Variants in UCMA observed in about 807,000 individuals in gnomAD.
UCMA encodes upper zone of growth plate and cartilage matrix associated.
Under a neutral mutation model 21.8 loss-of-function variants are expected in UCMA, and 21 were observed. The ratio of observed to expected loss-of-function variants is 0.97; its 90% CI spans 0.68 to 1.39. The LOEUF is 1.39. Ranked by LOEUF, UCMA falls within the 40% of genes most tolerant of loss-of-function variation. The pLI is 0.00. For missense variants in UCMA, 193 were observed against 178.9 expected, an observed-to-expected ratio of 1.08 and a Z score of -0.45; for synonymous variants, 76 against 67.9, an observed-to-expected ratio of 1.12 and a Z score of -0.58.
chr10:13,227,765 CA>C (rs1834843090), intron 4 of UCMA, among the ~76,000 whole-genome samples: 1 of 149,282 alleles, frequency 6.7e-6, no homozygotes, highest in African/African-American at 2.5e-5. Flanking sequence ...CACACACACA[CA>C]CACACACACA....
intron 3 of UCMA, among the ~76,000 whole-genome samples, chr10:13,233,139 C>T (rs976865016): frequency 8.5e-5 from 13 of 152,144 alleles, no homozygotes; most frequent in African/African-American, 2.9e-4. Flanking sequence ...TGTGCTGGAC[C>T]AGTACCCGCA....
chr10:13,231,225 G>A (rs546828768), intron 3 of UCMA, among the ~76,000 whole-genome samples: 1 of 152,210 alleles, frequency 6.6e-6, no homozygotes, highest in East Asian at 1.9e-4. Flanking sequence ...CGTCTGGAAT[G>A]TTTCTTCCCA....
At chr10:13,229,479 C>T (rs1184376041) in intron 4 of UCMA, 132 bp downstream of exon 4, 2 of 743,846 alleles carry the variant, frequency 2.7e-6, no homozygotes, top group Non-Finnish European at 4.3e-6. Context: ...GCATTCCAGC[C>T]TGGGCAACAG....
At chr10:13,222,629 C>T (rs571984894) in intron 4 of UCMA, among the ~76,000 whole-genome samples, 2 of 152,134 alleles carry the variant, frequency 1.3e-5, no homozygotes, top group South Asian at 2.1e-4. Context: ...AAATCATTGT[C>T]GACTTGGAGT....
chr10:13,232,691 T>C (rs181761573), intron 3 of UCMA, among the ~76,000 whole-genome samples: 1 of 152,182 alleles, frequency 6.6e-6, no homozygotes, highest in South Asian at 2.1e-4. Context: ...GCAAGTCACC[T>C]TGCTGAGTGC....
chr10:13,222,322 T>C (rs1416355337), intron 4 of UCMA, 122 bp from the exon 5 acceptor site: 7 of 844,876 alleles, frequency 8.3e-6, no homozygotes, highest in African/African-American at 5.0e-5. Flanking sequence ...TTGTGAGCCC[T>C]GGTGAGAGAA....
intron 1 of UCMA, 134 bp downstream of exon 1, chr10:13,234,067 G>A (rs1834937519): frequency 1.3e-6 from 1 of 755,184 alleles, no homozygotes; most frequent in East Asian, 2.9e-5. Flanking sequence ...ACATGCACAC[G>A]ACACACACAT....
intron 4 of UCMA, among the ~76,000 whole-genome samples, chr10:13,222,463 C>A (rs1834770511): frequency 1.3e-5 from 2 of 152,262 alleles, no homozygotes; most frequent in South Asian, 4.1e-4. Context: ...CCTGCCCAGC[C>A]AGTGTAGGAG....
chr10:13,225,691 G>A lies in UCMA; in HGVS notation c.320-3491C>T, dbSNP rs113763549. ...TCCATCTCAAAAAAAAAAAAAAAAA[G>A]AATAGGTGACTTGGTTAGATAGGAC... On this transcript the variant is annotated intron_variant, in intron 4 of 4. Transcript: ENST00000378681. 6.2e-3 allele frequency among the ~76,000 whole-genome samples: 628 copies of A among 100,998 alleles called. 5 individuals are homozygous for A. The highest frequency in any genetic ancestry group is 0.02 in the African/African-American group (590 of 28,916). The allele number at this position is 100,998 out of a possible 152,430, so 66.3% of individuals were successfully genotyped here.
chr10:13,221,882 C>T lies in UCMA; in HGVS notation c.*221G>A, dbSNP rs1015836190. On this transcript the variant is annotated 3_prime_UTR_variant, in exon 5 of 5. Coordinates refer to ENST00000378681, the MANE Select transcript of UCMA (RefSeq NM_145314.3). The stretch of plus-strand genomic sequence containing the variant: ...GTAGGTTTGGTACTAGGAGGCCCTG[C>T]AGGCAGTTGCTCACCTCAGAAGATG... 2 of 564,920 alleles carry T rather than the reference C, an allele frequency of 3.5e-6. No individual in the cohort carries two copies. The highest frequency in any genetic ancestry group is 6.4e-5 in the Admixed American group (2 of 31,286). 35.0% of individuals were successfully genotyped at this position (564,920 alleles called of 1,614,324 possible).
intron 3 of UCMA, 99 bp downstream of exon 3, chr10:13,233,439 C>A: frequency 2.1e-6 from 2 of 962,580 alleles, no homozygotes; most frequent in Non-Finnish European, 3.3e-6. Context: ...TCGTGCCCAG[C>A]TGCATCCTGC....
intron 3 of UCMA, among the ~76,000 whole-genome samples, chr10:13,233,274 C>G (rs1458217887): frequency 6.6e-6 from 1 of 152,246 alleles, no homozygotes. Flanking sequence ...GGCCAAGAAG[C>G]AGGACAAGAG....
intron 3 of UCMA, among the ~76,000 whole-genome samples, chr10:13,232,779 C>T: frequency 6.6e-6 from 1 of 152,074 alleles, no homozygotes; most frequent in Non-Finnish European, 1.5e-5. Context: ...GAGATACTGT[C>T]TGAGCTCAGC....
chr10:13,222,968 T>C (rs1017718271), intron 4 of UCMA, among the ~76,000 whole-genome samples: 9 of 151,962 alleles, frequency 5.9e-5, no homozygotes, highest in Non-Finnish European at 1.2e-4. Context: ...CTCATGCCTA[T>C]AATCCCAGCA....
At chr10:13,225,611 G>T (rs1446186907) in intron 4 of UCMA, among the ~76,000 whole-genome samples, 2 of 144,312 alleles carry the variant, frequency 1.4e-5, no homozygotes, top group African/African-American at 2.6e-5. Context: ...GGAGGAGGAG[G>T]TTTCATTGAG....
chr10:13,234,084 A>C, intron 1 of UCMA, 117 bp downstream of exon 1: 1 of 889,830 alleles, frequency 1.1e-6, no homozygotes, highest in Non-Finnish European at 1.7e-6. Context: ...ACATACACAC[A>C]TGTTAACAAT....
intron 4 of UCMA, among the ~76,000 whole-genome samples, chr10:13,222,995 C>T (rs976699415): frequency 5.5e-4 from 83 of 151,864 alleles, no homozygotes; most frequent in African/African-American, 2.0e-3. Flanking sequence ...GAGGCTGAGG[C>T]TGGCAGATCA....
chr10:13,231,659 C>T (rs894897794), intron 3 of UCMA, among the ~76,000 whole-genome samples: 9 of 152,278 alleles, frequency 5.9e-5, no homozygotes, highest in African/African-American at 1.7e-4. Flanking sequence ...AGAGCTTTGA[C>T]GTAATGAATA....
chr10:13,224,539 T>C (rs1834799914), intron 4 of UCMA, among the ~76,000 whole-genome samples: 1 of 152,214 alleles, frequency 6.6e-6, no homozygotes, highest in African/African-American at 2.4e-5. Flanking sequence ...TAACAGAAGA[T>C]GATGTCAAGA....
Sources: allele counts gnomAD v4.1 joint callset (sites outside exome capture counted in the v4.1 genomes callset), GRCh38; gene constraint gnomAD v4.1.1; transcripts MANE v1.5; gene names NCBI Gene and HGNC (gene_info 2026-07-23, HGNC 2026-07-21).